The following KANSL1L variants were observed in gnomAD, a reference collection of about 807,000 sequenced individuals.
The protein encoded by KANSL1L is KAT8 regulatory NSL complex subunit 1 like, also known as KAT8 regulatory NSL complex subunit 1-like protein.
In KANSL1L, 25 loss-of-function variants were observed where a neutral mutation model predicts 108.6. The observed-to-expected ratio is 0.23, with a 90% CI of 0.17 to 0.32. The LOEUF (loss-of-function observed/expected upper bound fraction) is 0.32. Among genes scored for constraint, KANSL1L ranks in the 10% least tolerant of loss-of-function variants. KANSL1L has a pLI of 1.00. For missense variants in KANSL1L, 1,137 were observed against 1,125.7 expected (o/e 1.01, Z -0.14); for synonymous variants, 405 against 395.1 (o/e 1.03, Z -0.30).
intron 2 of KANSL1L, among the ~76,000 whole-genome samples, chr2:210,130,677 T>C (rs2095111468): frequency 6.6e-6 from 1 of 152,132 alleles, no homozygotes; most frequent in Admixed American, 6.6e-5. Flanking sequence ...GTGGACAAAA[T>C]AAAATACCTA....
intron 11 of KANSL1L, among the ~76,000 whole-genome samples, chr2:210,028,263 A>G (rs2125125961): frequency 6.6e-6 from 1 of 152,276 alleles, no homozygotes; most frequent in South Asian, 2.1e-4. Flanking sequence ...GCTAAGCCTT[A>G]CACACTTGTC....
At chr2:210,037,292 C>G (rs2094116593) in intron 8 of KANSL1L, among the ~76,000 whole-genome samples, 1 of 152,042 alleles carries the variant, frequency 6.6e-6, no homozygotes, top group Non-Finnish European at 1.5e-5. Context: ...AAACAATGTT[C>G]TTTAGCTATT....
chr2:210,043,701 A>G, intron 7 of KANSL1L: 1 of 332,918 alleles, frequency 3.0e-6, no homozygotes, highest in Non-Finnish European at 5.4e-6. Flanking sequence ...AATTTCCCAA[A>G]GTAAATCAAG....
chr2:210,130,900 G>C (rs1176488874), intron 2 of KANSL1L, among the ~76,000 whole-genome samples: 1 of 149,952 alleles, frequency 6.7e-6, no homozygotes, highest in Non-Finnish European at 1.5e-5. Flanking sequence ...ACTGCAGTAG[G>C]AAATGAAAAA....
Position 210,075,588 on chromosome 2 carries a change from C to T in KANSL1L, c.1719G>A (p.Leu573=). 6.2e-7 allele frequency: 1 copy of T among 1,614,058 alleles called. No individual in the cohort carries two copies. The highest frequency in any genetic ancestry group is 1.1e-5 in the South Asian group (1 of 91,076). ...AATAAAAAGTAGGGCTCAATCTGTA[C>T]AGTTTTCGTTTGTGGAAACTCTGAA... The part of the protein sequence containing the change: ...RPLQSFHKRK[L]YRLSPTFYWT... Residue 573 remains leucine (L), a synonymous_variant, in exon 6 of 15, where the codon CTG becomes CTA. Coordinates refer to ENST00000281772, the MANE Select transcript of KANSL1L (RefSeq NM_152519.4).
chr2:210,154,594 T>C lies in KANSL1L; in HGVS notation c.-12A>G, dbSNP rs752664163. On this transcript the variant is annotated 5_prime_UTR_variant, in exon 2 of 15. Transcript: ENST00000281772. ...AGAGCTGGGGTCATGGCGATTCCTG[T>C]AGATAAGTATTGGAAACCTACAATA... is the stretch of plus-strand genomic sequence containing the variant. 5 of 1,462,996 alleles carry C rather than the reference T, an allele frequency of 3.4e-6. No individual in the cohort carries two copies. In the East Asian group the frequency reaches 7.1e-5, roughly 21 times the overall value. 90.6% of individuals were successfully genotyped at this position (1,462,996 alleles called of 1,614,324 possible). A position where few individuals can be genotyped will look rare whatever the true frequency, so the allele number is the denominator to read the frequency against.
rs1016137417 is a variant in KANSL1L, at chr2:210,120,841, T to C, written c.1230+8190A>G. 6.6e-5 allele frequency among the ~76,000 whole-genome samples: 10 copies of C among 151,990 alleles called. No individual in the cohort carries two copies. In the South Asian group the frequency reaches 8.3e-4, roughly 13 times the overall value. ...CCCATAAAAAAGTGGGCAAAGGACA[T>C]GAAAAGACACTTTTCAACAGAAGAC... On this transcript the variant is annotated intron_variant, in intron 3 of 14. Transcript: ENST00000281772.
chr2:210,136,273 C>T (rs1427109636), intron 2 of KANSL1L, among the ~76,000 whole-genome samples: 1 of 151,870 alleles, frequency 6.6e-6, no homozygotes, highest in Non-Finnish European at 1.5e-5. Flanking sequence ...CTCTTATTAT[C>T]TATCCTCCCA....
intron 7 of KANSL1L, among the ~76,000 whole-genome samples, chr2:210,043,150 T>G (rs1292132789): frequency 6.6e-6 from 1 of 150,750 alleles, no homozygotes; most frequent in African/African-American, 2.4e-5. Context: ...TTTTGGGAGG[T>G]TGAGGTGGGA....
In KANSL1L at chr2:210,040,475, T is replaced by C; in HGVS notation, c.1974A>G (p.Lys658=). 6.4e-7 allele frequency: 1 copy of C among 1,569,754 alleles called. No individual in the cohort carries two copies. The highest frequency in any genetic ancestry group is 8.7e-7 in the Non-Finnish European group (1 of 1,147,984). The change falls in exon 8 of 15, where the codon AAA becomes AAG. Residue 658 remains lysine (K), a synonymous_variant. Coordinates refer to ENST00000281772, the MANE Select transcript of KANSL1L (RefSeq NM_152519.4). ...FETLLKKTEI[K]GNLAENKFVD... Reference sequence around the variant, plus strand: ...CAAATTTATTTTCAGCAAGATTGCCTTTTATTTCAGTCTTTTTTAACAGTG... The same window carrying C: ...CAAATTTATTTTCAGCAAGATTGCCCTTTATTTCAGTCTTTTTTAACAGTG...
intron 6 of KANSL1L, among the ~76,000 whole-genome samples, chr2:210,073,442 T>A (rs1352991352): frequency 1.3e-5 from 2 of 151,534 alleles, no homozygotes; most frequent in Non-Finnish European, 2.9e-5. Flanking sequence ...ACACCTGTAA[T>A]CCCAGCACTT....
At position 210,025,448 on chromosome 2, in the gene KANSL1L, C is replaced by T. The variant is rs187415598; in HGVS notation, c.2452-232G>A. Among the ~76,000 whole-genome samples, 649 of 152,210 alleles carry T rather than the reference C, an allele frequency of 4.3e-3. 8 individuals carry two copies. Among genetic ancestry groups the T allele is most frequent in the African/African-American group, 0.015 (626 of 41,526 alleles). ...GCAGGCGCCTGTAATCACAGCTACT[C>T]GGGAGGCTGAGGCAGAGAATTGCTT... On this transcript the variant is annotated intron_variant, in intron 12 of 14. Coordinates refer to ENST00000281772, the MANE Select transcript of KANSL1L (RefSeq NM_152519.4).
chr2:210,119,487 G>C (rs766405810), intron 3 of KANSL1L, among the ~76,000 whole-genome samples: 12 of 152,158 alleles, frequency 7.9e-5, no homozygotes, highest in Non-Finnish European at 1.5e-4. Context: ...AATATCATTT[G>C]TCATAATCAA....
At chr2:210,096,478 A>G in intron 5 of KANSL1L, 4 of 984,630 alleles carry the variant, frequency 4.1e-6, no homozygotes, top group Non-Finnish European at 4.8e-6. Flanking sequence ...GACCAGAAAT[A>G]CAGGCAAGTA....
At chr2:210,125,618 A>T (rs2095059369) in intron 3 of KANSL1L, among the ~76,000 whole-genome samples, 1 of 152,220 alleles carries the variant, frequency 6.6e-6, no homozygotes, top group South Asian at 2.1e-4. Flanking sequence ...TTTACAATCC[A>T]TGACTGAGTG....
At chr2:210,093,004 A>C (rs767857558) in intron 5 of KANSL1L, among the ~76,000 whole-genome samples, 7 of 152,070 alleles carry the variant, frequency 4.6e-5, no homozygotes, top group Non-Finnish European at 1.0e-4. Flanking sequence ...GGGGAAAGGG[A>C]AACAGTTTTA....
At chr2:210,138,155 A>AT (rs564485402) in intron 2 of KANSL1L, among the ~76,000 whole-genome samples, 166 of 150,522 alleles carry the variant, frequency 1.1e-3, no homozygotes, top group Middle Eastern at 3.4e-3. Context: ...ATGAGCTGTG[A>AT]TTTTTTTTTT....
chr2:210,104,276 T>G lies in KANSL1L; in HGVS notation c.1256A>C (p.Gln419Pro), dbSNP rs755536052. 6.2e-7 allele frequency: 1 copy of G among 1,613,668 alleles called. No homozygotes were observed. Among genetic ancestry groups the G allele is most frequent in the Non-Finnish European group, 8.5e-7 (1 of 1,179,744 alleles). Residue 419 changes from glutamine (Q) to proline (P), a missense_variant, in exon 4 of 15, where the codon CAG (glutamine) becomes CCG (proline). Transcript: ENST00000281772. ...SKGIVVLEEC[Q>P]LPKDILKKQM... ...TTTTTTCAAAATATCTTTTGGAAGC[T>G]GACATTCTTCTAGGACCACTATCCC... is the stretch of plus-strand genomic sequence containing the variant.
chr2:210,172,225 A>G (rs531763047), upstream of KANSL1L, among the ~76,000 whole-genome samples: 1 of 152,272 alleles, frequency 6.6e-6, no homozygotes. Flanking sequence ...CAAGAACTCG[A>G]TTTTTTTAAA....
Sources: allele counts gnomAD v4.1 joint callset (sites outside exome capture counted in the v4.1 genomes callset), GRCh38; gene constraint gnomAD v4.1.1; transcripts MANE v1.5; gene names NCBI Gene and HGNC (gene_info 2026-07-23, HGNC 2026-07-21).